Variants in FSTL4 observed in about 807,000 individuals in gnomAD.
The protein encoded by FSTL4 is follistatin like 4.
FSTL4 carries 28 observed loss-of-function variants against 78.2 expected under a neutral mutation model. The observed-to-expected ratio is 0.36, with a 90% CI of 0.27 to 0.49. The LOEUF (loss-of-function observed/expected upper bound fraction) is 0.49, where lower values mean the gene tolerates loss of function less well. Among genes scored for constraint, FSTL4 ranks in the 20% least tolerant of loss-of-function variants. FSTL4 has a pLI of 0.98. For synonymous variants in FSTL4, 422 were observed against 440.5 expected, an observed-to-expected ratio of 0.96 and a Z score of 0.53; for missense variants, 922 against 1,084.9, an observed-to-expected ratio of 0.85 and a Z score of 2.11.
At chr5:133,819,015 C>T in the FSTL4 span, among the ~76,000 whole-genome samples, 203 of 140,704 alleles carry the variant, frequency 1.4e-3, 2 homozygotes, top group East Asian at 0.036. Context: ...ATTTCTAGAA[C>T]GAAGGAGATC....
At chr5:133,421,733 G>C (rs185287560) in intron 3 of FSTL4, among the ~76,000 whole-genome samples, 1 of 152,322 alleles carries the variant, frequency 6.6e-6, no homozygotes, top group East Asian at 1.9e-4. Flanking sequence ...ACAAAGATTG[G>C]CAGCAAGCTG....
the FSTL4 span, among the ~76,000 whole-genome samples, chr5:133,625,740 TATATTCCATATATATATTCC>T: frequency 1.8e-5 from 2 of 113,676 alleles, no homozygotes; most frequent in African/African-American, 8.4e-5. Flanking sequence ...TATATATATA[TATATTCCATATATATATTCC>T]ATATATATTC....
chr5:133,478,517 C>T (rs1757964820), intron 3 of FSTL4, among the ~76,000 whole-genome samples: 1 of 152,228 alleles, frequency 6.6e-6, no homozygotes, highest in Non-Finnish European at 1.5e-5. Context: ...CCCCATATTA[C>T]AGGCTTGCAA....
At chr5:133,568,067 G>A (rs1760066830) in intron 2 of FSTL4, among the ~76,000 whole-genome samples, 1 of 152,200 alleles carries the variant, frequency 6.6e-6, no homozygotes, top group African/African-American at 2.4e-5. Context: ...AAAAATGGGG[G>A]AGGGAGGGTG....
At chr5:133,358,591 C>CTTT (rs1173835923) in intron 4 of FSTL4, among the ~76,000 whole-genome samples, 58 of 115,360 alleles carry the variant, frequency 5.0e-4, no homozygotes, top group South Asian at 5.9e-4. Flanking sequence ...GGTTCTATTT[C>CTTT]TTTTTTTTTT....
At chr5:133,280,583 T>C (rs1752986658) in intron 6 of FSTL4, among the ~76,000 whole-genome samples, 1 of 152,186 alleles carries the variant, frequency 6.6e-6, no homozygotes, top group Non-Finnish European at 1.5e-5. Flanking sequence ...TCCAAGATAC[T>C]GACCACAACT....
chr5:133,207,414 C>T (rs1750554332), intron 14 of FSTL4, among the ~76,000 whole-genome samples: 1 of 152,160 alleles, frequency 6.6e-6, no homozygotes, highest in African/African-American at 2.4e-5. Flanking sequence ...TTAAGGGCAA[C>T]CTTTTATTAT....
chr5:133,377,872 G>C (rs899975082), intron 4 of FSTL4, among the ~76,000 whole-genome samples: 2 of 151,550 alleles, frequency 1.3e-5, no homozygotes, highest in African/African-American at 4.9e-5. Context: ...CAAAGACAAA[G>C]AGAAAAATTT....
chr5:133,454,414 T>G (rs1757441898), intron 3 of FSTL4, among the ~76,000 whole-genome samples: 1 of 152,196 alleles, frequency 6.6e-6, no homozygotes, highest in Non-Finnish European at 1.5e-5. Context: ...GGATTTTAAT[T>G]TTTTCTGAAT....
At chr5:133,742,893 G>A in the FSTL4 span, among the ~76,000 whole-genome samples, 1 of 152,074 alleles carries the variant, frequency 6.6e-6, no homozygotes, top group Non-Finnish European at 1.5e-5. Context: ...CAAAGTCCCC[G>A]GACTGCCTGG....
the FSTL4 span, among the ~76,000 whole-genome samples, chr5:133,675,647 A>G: frequency 1.3e-5 from 2 of 152,248 alleles, no homozygotes; most frequent in East Asian, 3.8e-4. Context: ...ACTGGGTCAC[A>G]TGAGGGCTTT....
intron 3 of FSTL4, among the ~76,000 whole-genome samples, chr5:133,540,275 A>T (rs28407147): frequency 1.3e-5 from 2 of 149,466 alleles, no homozygotes; most frequent in African/African-American, 4.9e-5. Flanking sequence ...GCACTCATTC[A>T]TTCTCTCTCT....
intron 1 of FSTL4, among the ~76,000 whole-genome samples, chr5:133,606,621 T>C (rs1760984366): frequency 6.6e-6 from 1 of 152,214 alleles, no homozygotes; most frequent in African/African-American, 2.4e-5. Context: ...GTCCTACTTA[T>C]CTACTATCAA....
chr5:133,377,334 G>C lies in FSTL4; in HGVS notation c.409+23404C>G, dbSNP rs762551071. Among the ~76,000 whole-genome samples, 10 of 152,220 alleles carry C rather than the reference G, an allele frequency of 6.6e-5. 1 individual carries two copies. Among genetic ancestry groups the C allele is most frequent in the Non-Finnish European group, 1.3e-4 (9 of 68,040 alleles). The stretch of plus-strand genomic sequence containing the variant: ...GACCAGAGTCTACCATGACAACCAG[G>C]CTAGAATTACAACTAAGGGTGTCAT... On this transcript the variant is annotated intron_variant, in intron 4 of 15. Coordinates refer to ENST00000265342, the MANE Select transcript of FSTL4 (RefSeq NM_015082.2).
At chr5:133,580,659 A>AG (rs1331330178) in intron 2 of FSTL4, among the ~76,000 whole-genome samples, 8 of 152,196 alleles carry the variant, frequency 5.3e-5, no homozygotes, top group African/African-American at 1.4e-4. Flanking sequence ...GCACTGGAGT[A>AG]GGTCTCTACT....
chr5:133,233,600 T>G, intron 7 of FSTL4, 63 bp from the exon 8 acceptor site: 1 of 1,582,810 alleles, frequency 6.3e-7, no homozygotes, highest in Non-Finnish European at 8.7e-7. Flanking sequence ...AAACCATAGC[T>G]GTCTCCTGGT....
chr5:133,255,701 G>A (rs1018491948), intron 6 of FSTL4, among the ~76,000 whole-genome samples: 7 of 152,188 alleles, frequency 4.6e-5, no homozygotes, highest in Non-Finnish European at 1.0e-4. Context: ...ACAAACACCC[G>A]TCCTCACCTT....
At chr5:133,745,406 A>G in the FSTL4 span, among the ~76,000 whole-genome samples, 1 of 152,276 alleles carries the variant, frequency 6.6e-6, no homozygotes, top group Admixed American at 6.5e-5. Context: ...CAATAAGCAC[A>G]TAAGAAGTCA....
chr5:133,608,002 G>A (rs1761012015), intron 1 of FSTL4, among the ~76,000 whole-genome samples: 1 of 152,180 alleles, frequency 6.6e-6, no homozygotes, highest in African/African-American at 2.4e-5. Flanking sequence ...AGCATCATAA[G>A]GCTAGTCACT....
Sources: gnomAD v4.1 joint callset for allele counts (sites outside exome capture counted in the v4.1 genomes callset) on GRCh38, gnomAD v4.1.1 for gene constraint, MANE v1.5 for transcripts, NCBI Gene and HGNC (gene_info 2026-07-23, HGNC 2026-07-21) for gene names.